Variants in FAM184B observed in about 807,000 individuals in gnomAD.
FAM184B encodes protein FAM184B.
A neutral mutation model predicts 135.9 loss-of-function variants in FAM184B; 111 were observed. That is an observed-to-expected ratio of 0.82 (90% CI 0.70 to 0.96). FAM184B has a LOEUF of 0.96. Among genes scored for constraint, FAM184B ranks in the 40% least tolerant of loss-of-function variants. FAM184B has a pLI of 0.00. For synonymous variants in FAM184B, 552 were observed against 524.8 expected, an observed-to-expected ratio of 1.05 and a Z score of -0.71; for missense variants, 1,375 against 1,323.9, an observed-to-expected ratio of 1.04 and a Z score of -0.60.
At chr4:17,741,096 T>C (rs969918701) in intron 1 of FAM184B, among the ~76,000 whole-genome samples, 3 of 152,190 alleles carry the variant, frequency 2.0e-5, no homozygotes, top group Non-Finnish European at 4.4e-5. Context: ...TGCCAGGCAC[T>C]GTTCTTGGTA....
intron 5 of FAM184B, among the ~76,000 whole-genome samples, chr4:17,694,827 G>C (rs1481593575): frequency 6.6e-6 from 1 of 152,198 alleles, no homozygotes; most frequent in Non-Finnish European, 1.5e-5. Context: ...CACTAGGTTG[G>C]ATGGAGAAAT....
At chr4:17,642,264 G>A (rs1480818217) in intron 12 of FAM184B, 36 bp from the exon 13 acceptor site, 1 of 1,437,658 alleles carries the variant, frequency 7.0e-7, no homozygotes, top group Non-Finnish European at 9.1e-7. Flanking sequence ...TTTTCAGGAG[G>A]CGCAGGGGCA....
rs932042685 is a variant in FAM184B at position 17,745,814 on chromosome 4, C to G, written c.141+35345G>C. 3.9e-5 allele frequency among the ~76,000 whole-genome samples: 6 copies of G among 152,300 alleles called. No homozygotes were observed. In the East Asian group the frequency reaches 1.2e-3, roughly 29 times the overall value. ...ACTGGATTTCTGGGGTCCCTTCTGG[C>G]TCAAAGGTCCTACCTGCTTTTGTGA... On this transcript the variant is annotated intron_variant, in intron 1 of 17. Coordinates refer to ENST00000265018, the MANE Select transcript of FAM184B (RefSeq NM_015688.2).
intron 8 of FAM184B, among the ~76,000 whole-genome samples, chr4:17,662,959 A>G (rs972338243): frequency 1.2e-4 from 18 of 151,992 alleles, no homozygotes; most frequent in African/African-American, 4.1e-4. Context: ...TTTTTGGGAC[A>G]GGGTCTTGCT....
At chr4:17,752,748 G>C (rs1279947181) in intron 1 of FAM184B, among the ~76,000 whole-genome samples, 1 of 152,160 alleles carries the variant, frequency 6.6e-6, no homozygotes, top group East Asian at 1.9e-4. Flanking sequence ...AACTGCAAAT[G>C]AACTATCAAA....
intron 1 of FAM184B, among the ~76,000 whole-genome samples, chr4:17,768,553 G>T (rs1268151138): frequency 6.6e-6 from 1 of 152,160 alleles, no homozygotes; most frequent in Non-Finnish European, 1.5e-5. Flanking sequence ...GGGATTACAG[G>T]CATGAGCCAC....
At chr4:17,642,380 C>G (rs190850418) in intron 12 of FAM184B, among the ~76,000 whole-genome samples, 152 bp from the exon 13 acceptor site, 83 of 152,308 alleles carry the variant, frequency 5.4e-4, no homozygotes, top group African/African-American at 1.9e-3. Context: ...TGCAGGGACT[C>G]CCATCTAGTC....
chr4:17,674,764 G>A (rs979920446), intron 7 of FAM184B, among the ~76,000 whole-genome samples: 2 of 152,248 alleles, frequency 1.3e-5, no homozygotes, highest in Non-Finnish European at 2.9e-5. Context: ...AGTCTCATCA[G>A]GAGTAAATTT....
chr4:17,685,803 C>T (rs1234657697), intron 7 of FAM184B, among the ~76,000 whole-genome samples: 4 of 152,042 alleles, frequency 2.6e-5, no homozygotes, highest in African/African-American at 7.2e-5. Context: ...CCACACACCC[C>T]GCCAAAACAA....
At position 17,666,936 on chromosome 4, in the gene FAM184B, C is replaced by CTTTTTT. The variant is rs928683730; in HGVS notation, c.1597-2283_1597-2278dup. ...CTCTCCCATACTTGCCCTACACCCACTTTTTTTTTTGTTTTTTTGTTTTTT... is the reference window on the plus strand; with the variant it reads ...CTCTCCCATACTTGCCCTACACCCACTTTTTTTTTTTTTTTTGTTTTTTTGTTTTTT... On this transcript the variant is annotated intron_variant, in intron 7 of 17. Transcript: ENST00000265018. Among the ~76,000 whole-genome samples the CTTTTTT allele has an allele frequency of 4.3e-4, 64 of 147,878 alleles. No individual in the cohort carries two copies. The East Asian group carries it at 0.012, about 27-fold the overall frequency.
At chr4:17,760,769 C>G (rs1718528014) in intron 1 of FAM184B, among the ~76,000 whole-genome samples, 1 of 152,136 alleles carries the variant, frequency 6.6e-6, no homozygotes, top group Non-Finnish European at 1.5e-5. Flanking sequence ...TCTGGCTTAC[C>G]AGTAAAAGCC....
At chr4:17,647,605 G>T in intron 12 of FAM184B, 32 bp downstream of exon 12, 1 of 1,539,166 alleles carries the variant, frequency 6.5e-7, no homozygotes, top group Non-Finnish European at 8.8e-7. Flanking sequence ...CTCTGGGAGG[G>T]GTATTGCTGG....
intron 1 of FAM184B, among the ~76,000 whole-genome samples, chr4:17,774,666 T>C (rs1718886279): frequency 6.6e-6 from 1 of 152,214 alleles, no homozygotes; most frequent in Non-Finnish European, 1.5e-5. Flanking sequence ...TTGAAAAAAA[T>C]ACTAATACCT....
Position 17,642,554 on chromosome 4 carries a change from C to A in FAM184B, c.2347-326G>T, listed in dbSNP as rs975991583. ...GCCTGCCTCAGTGAAGTCTTCCCTC[C>A]GTGAAGTTAAGTGTTCAGTGAAGTG... On this transcript the variant is annotated intron_variant, in intron 12 of 17. Transcript: ENST00000265018. Among the ~76,000 whole-genome samples, 5 of 152,160 alleles carry A rather than the reference C, an allele frequency of 3.3e-5. No individual in the cohort carries two copies. In the East Asian group the frequency reaches 7.7e-4, roughly 23 times the overall value.
intron 8 of FAM184B, 110 bp from the exon 9 acceptor site, chr4:17,660,197 A>C (rs1715881352): frequency 7.9e-7 from 1 of 1,271,900 alleles, no homozygotes; most frequent in Admixed American, 2.5e-5. Context: ...CTCCGATAGC[A>C]GTTAGTGGGG....
At chr4:17,723,907 C>T (rs373593092) in intron 1 of FAM184B, among the ~76,000 whole-genome samples, 2 of 152,122 alleles carry the variant, frequency 1.3e-5, no homozygotes, top group African/African-American at 4.8e-5. Flanking sequence ...CCTGTGGTTC[C>T]CTGTCTGCTG....
chr4:17,649,461 G>A (rs1242173369), intron 11 of FAM184B, among the ~76,000 whole-genome samples: 3 of 151,988 alleles, frequency 2.0e-5, no homozygotes, highest in African/African-American at 4.8e-5. Flanking sequence ...GCAGGTGCCT[G>A]TAGTCCCAGC....
intron 12 of FAM184B, among the ~76,000 whole-genome samples, chr4:17,646,539 T>G (rs939750236): frequency 6.6e-6 from 1 of 151,756 alleles, no homozygotes; most frequent in Non-Finnish European, 1.5e-5. Flanking sequence ...ATGAGAACAC[T>G]TGGACACAGG....
chr4:17,636,937 C>G (rs921924624), intron 14 of FAM184B, among the ~76,000 whole-genome samples: 2 of 152,192 alleles, frequency 1.3e-5, no homozygotes, highest in Non-Finnish European at 2.9e-5. Context: ...GAGAACAGAC[C>G]AGGGCAGGAA....
Sources: gnomAD v4.1 joint callset for allele counts (sites outside exome capture counted in the v4.1 genomes callset) on GRCh38, gnomAD v4.1.1 for gene constraint, MANE v1.5 for transcripts, NCBI Gene and HGNC (gene_info 2026-07-23, HGNC 2026-07-21) for gene names.